Variants in KCNMA1 observed in about 807,000 individuals in gnomAD.
KCNMA1 encodes the protein potassium calcium-activated channel subfamily M alpha 1, also known as Calcium-activated potassium channel subunit alpha-1.
Under a neutral mutation model 140.0 loss-of-function variants are expected in KCNMA1, and 29 were observed. That is an observed-to-expected ratio of 0.21 (90% CI 0.15 to 0.28). The LOEUF (loss-of-function observed/expected upper bound fraction) is 0.28, where lower values mean the gene tolerates loss of function less well. Among genes scored for constraint, KCNMA1 ranks in the 10% least tolerant of loss-of-function variants. The pLI is 1.00. For synonymous variants in KCNMA1, 612 were observed against 611.9 expected (o/e 1.00, Z 0.00); for missense variants, 880 against 1,602.2 (o/e 0.55, Z 7.70).
chr10:77,056,133 T>C (rs2095533181), intron 14 of KCNMA1, among the ~76,000 whole-genome samples: 1 of 152,126 alleles, frequency 6.6e-6, no homozygotes, highest in African/African-American at 2.4e-5. Flanking sequence ...GTAATTCCAG[T>C]ATTTGGGAAG....
intron 14 of KCNMA1, among the ~76,000 whole-genome samples, chr10:77,040,147 T>A (rs2094583821): frequency 6.6e-6 from 1 of 151,976 alleles, no homozygotes; most frequent in Admixed American, 6.6e-5. Context: ...CTCAAAGTCC[T>A]GGGATTACAG....
intron 1 of KCNMA1, among the ~76,000 whole-genome samples, chr10:77,593,951 G>T (rs532069190): frequency 1.3e-5 from 2 of 152,182 alleles, no homozygotes; most frequent in Non-Finnish European, 2.9e-5. Flanking sequence ...CACAGTCCTC[G>T]CCAGGAGGGG....
chr10:77,493,644 G>A (rs2154542541), intron 1 of KCNMA1, among the ~76,000 whole-genome samples: 1 of 152,356 alleles, frequency 6.6e-6, no homozygotes, highest in Non-Finnish European at 1.5e-5. Flanking sequence ...AATCAACGGA[G>A]GTGCACTGGG....
intron 23 of KCNMA1, among the ~76,000 whole-genome samples, chr10:76,942,416 T>C (rs933615122): frequency 1.3e-5 from 2 of 152,172 alleles, no homozygotes; most frequent in African/African-American, 4.8e-5. Flanking sequence ...ACAAAAACAT[T>C]CAGACCATAA....
At chr10:77,533,267 G>C (rs1166721979) in intron 1 of KCNMA1, among the ~76,000 whole-genome samples, 1 of 152,050 alleles carries the variant, frequency 6.6e-6, no homozygotes, top group Non-Finnish European at 1.5e-5. Flanking sequence ...GACACAACCA[G>C]AGCCCCAAGG....
rs571762389 is a variant in KCNMA1, at chr10:77,583,593, G to A, written c.378+53672C>T. Among the ~76,000 whole-genome samples the A allele has an allele frequency of 2.6e-5, 4 of 152,360 alleles. No homozygotes were observed. The East Asian group carries it at 5.8e-4, about 22-fold the overall frequency. ...TTCATGACCAAGAGCCCATCCTTGA[G>A]GGAAACTGACTCTTCCTCCTCTGAT... is the stretch of plus-strand genomic sequence containing the variant. On this transcript the variant is annotated intron_variant, in intron 1 of 27. Coordinates refer to ENST00000286628, the MANE Select transcript of KCNMA1 (RefSeq NM_001161352.2).
intron 2 of KCNMA1, among the ~76,000 whole-genome samples, chr10:77,395,173 C>A (rs911364762): frequency 6.6e-6 from 1 of 151,834 alleles, no homozygotes. Context: ...ACAGTAGAAC[C>A]CCATCAGTAC....
intron 1 of KCNMA1, among the ~76,000 whole-genome samples, chr10:77,404,596 C>T (rs1487072927): frequency 6.6e-6 from 1 of 152,138 alleles, no homozygotes; most frequent in East Asian, 1.9e-4. Flanking sequence ...AGAGGAAACG[C>T]AATCTGTCTA....
intron 1 of KCNMA1, among the ~76,000 whole-genome samples, chr10:77,434,161 G>A (rs1280375812): frequency 2.0e-5 from 3 of 152,200 alleles, no homozygotes; most frequent in Non-Finnish European, 2.9e-5. Flanking sequence ...TCAGGCCAGC[G>A]CTACAGCCTG....
chr10:77,044,346 GA>G lies in KCNMA1; in HGVS notation c.1750-4710del, dbSNP rs142330794. Among the ~76,000 whole-genome samples the G allele has an allele frequency of 7.4e-3, 1,091 of 146,554 alleles. 8 individuals are homozygous for G. Among genetic ancestry groups the G allele is most frequent in the African/African-American group, 0.023 (935 of 40,036 alleles). ...TCTCATACAATGCATTCTTAGGACA[GA>G]AAAAAAAAACAGTGTAAAATACATT... is the stretch of plus-strand genomic sequence containing the variant. On this transcript the variant is annotated intron_variant, in intron 14 of 27. Transcript: ENST00000286628.
At chr10:77,233,031 C>T (rs539348272) in intron 3 of KCNMA1, among the ~76,000 whole-genome samples, 8 of 152,110 alleles carry the variant, frequency 5.3e-5, no homozygotes, top group South Asian at 2.1e-4. Context: ...GGTTCACAAG[C>T]GTGTGCCACC....
At position 76,974,450 on chromosome 10, in the gene KCNMA1, T is replaced by C. The variant is rs1255397091; in HGVS notation, c.2267-4383A>G. On this transcript the variant is annotated intron_variant, in intron 19 of 27. Transcript: ENST00000286628. ...TAGAATGTTGAGGGCTGCAGGGTAG[T>C]TATTAAAAATGGGAATGGGTCCCAG... is the stretch of plus-strand genomic sequence containing the variant. 3.3e-6 allele frequency: 4 copies of C among 1,218,834 alleles called. No homozygotes were observed. In the African/African-American group the frequency reaches 6.0e-5, roughly 18 times the overall value. The allele number at this position is 1,218,834 out of a possible 1,614,324, so 75.5% of individuals were successfully genotyped here.
intron 2 of KCNMA1, among the ~76,000 whole-genome samples, chr10:77,329,132 G>C (rs11002122): frequency 3.3e-5 from 5 of 151,910 alleles, no homozygotes; most frequent in African/African-American, 1.2e-4. Context: ...GAGCCACTGC[G>C]CCCGGTCAAT....
chr10:77,439,149 A>AGAGAAGAGGAG (rs1555337767), intron 1 of KCNMA1, among the ~76,000 whole-genome samples: 1 of 85,208 alleles, frequency 1.2e-5, no homozygotes, highest in African/African-American at 4.5e-5. Context: ...AGAGAAGAGA[A>AGAGAAGAGGAG]AAGAGAAGAG....
chr10:77,329,314 C>T (rs1220803460), intron 2 of KCNMA1, among the ~76,000 whole-genome samples: 4 of 152,156 alleles, frequency 2.6e-5, no homozygotes, highest in African/African-American at 9.7e-5. Context: ...TATTGAAATC[C>T]TGTCATCCAA....
chr10:77,017,178 T>A (rs1010980388), intron 17 of KCNMA1, among the ~76,000 whole-genome samples: 1 of 152,184 alleles, frequency 6.6e-6, no homozygotes, highest in African/African-American at 2.4e-5. Context: ...TGACATTCAT[T>A]AGTGAGAGAT....
At chr10:77,559,441 C>G (rs1398133274) in intron 1 of KCNMA1, among the ~76,000 whole-genome samples, 1 of 152,178 alleles carries the variant, frequency 6.6e-6, no homozygotes. Flanking sequence ...ATATCCTCCC[C>G]ACACGGGCCC....
intron 1 of KCNMA1, among the ~76,000 whole-genome samples, chr10:77,607,221 A>G (rs571625580): frequency 1.5e-4 from 23 of 152,244 alleles, no homozygotes; most frequent in Non-Finnish European, 2.8e-4. Context: ...AGGAAAGATT[A>G]GGGCAGGTGA....
chr10:77,194,875 A>G (rs921125683), intron 3 of KCNMA1, among the ~76,000 whole-genome samples: 1 of 152,218 alleles, frequency 6.6e-6, no homozygotes, highest in Admixed American at 6.5e-5. Flanking sequence ...CAGTTGTTCC[A>G]TTTATCTGCT....
Sources: allele counts gnomAD v4.1 joint callset (sites outside exome capture counted in the v4.1 genomes callset), GRCh38; gene constraint gnomAD v4.1.1; transcripts MANE v1.5; gene names NCBI Gene and HGNC (gene_info 2026-07-23, HGNC 2026-07-21).